SLC9D1: variants seen among roughly 807,000 people sequenced by gnomAD.
The protein encoded by SLC9D1 is solute carrier family 9 member D1.
the SLC9D1 span, chr13:113,534,250 A>G: frequency 6.3e-7 from 1 of 1,597,776 alleles, no homozygotes; most frequent in Non-Finnish European, 8.6e-7. Flanking sequence ...GGTAATTCTC[A>G]AACTATGTGT....
At chr13:113,534,387 C>G in the SLC9D1 span, 2 of 680,214 alleles carry the variant, frequency 2.9e-6, no homozygotes, top group South Asian at 3.9e-5. Flanking sequence ...TACACACTTT[C>G]TTATACTACC....
chr13:113,495,942 C>A, the SLC9D1 span: 2 of 1,613,854 alleles, frequency 1.2e-6, no homozygotes, highest in Non-Finnish European at 1.7e-6. Flanking sequence ...GCAGAGAGCC[C>A]TGCAGGGGGA....
At chr13:113,499,739 A>G in the SLC9D1 span, among the ~76,000 whole-genome samples, 1 of 152,234 alleles carries the variant, frequency 6.6e-6, no homozygotes, top group Non-Finnish European at 1.5e-5. Flanking sequence ...TTTAAGGGCT[A>G]TGAATTTCTT....
At chr13:113,533,896 T>C in the SLC9D1 span, 1 of 660,614 alleles carries the variant, frequency 1.5e-6, no homozygotes, top group Non-Finnish European at 2.6e-6. Context: ...GTATGATTCA[T>C]AGGTGTTTTT....
chr13:113,530,935 G>A, the SLC9D1 span, among the ~76,000 whole-genome samples: 5,428 of 152,260 alleles, frequency 0.036, 275 homozygotes, highest in African/African-American at 0.11. Flanking sequence ...GGCACCACCC[G>A]CCCATCAGAC....
chr13:113,543,145 C>CCT, the SLC9D1 span, among the ~76,000 whole-genome samples: 19 of 86,240 alleles, frequency 2.2e-4, 1 homozygote, highest in East Asian at 1.3e-3. Context: ...ACCTCCTCCC[C>CCT]GTGCCCCCCG....
the SLC9D1 span, among the ~76,000 whole-genome samples, chr13:113,492,398 C>G: frequency 5.3e-5 from 8 of 152,336 alleles, no homozygotes; most frequent in East Asian, 1.5e-3. Context: ...TGCCTTTGCC[C>G]TGTTTTCTCC....
At chr13:113,532,663 G>A in the SLC9D1 span, among the ~76,000 whole-genome samples, 2 of 151,934 alleles carry the variant, frequency 1.3e-5, no homozygotes, top group African/African-American at 4.8e-5. Flanking sequence ...AGTGCGGCAG[G>A]CCTGGTCTGC....
the SLC9D1 span, among the ~76,000 whole-genome samples, chr13:113,496,268 C>G: frequency 6.6e-6 from 1 of 152,188 alleles, no homozygotes; most frequent in Admixed American, 6.5e-5. Context: ...GTAGCTCTTA[C>G]TTCTAGAAGG....
the SLC9D1 span, among the ~76,000 whole-genome samples, chr13:113,541,717 G>A: frequency 5.0e-5 from 1 of 20,178 alleles, no homozygotes; most frequent in Non-Finnish European, 8.7e-5. Flanking sequence ...CTTTATTACC[G>A]CCGAGATGTG....
chr13:113,520,859 C>T, the SLC9D1 span: 3 of 718,782 alleles, frequency 4.2e-6, no homozygotes, highest in African/African-American at 1.8e-5. Flanking sequence ...TGCACAGTCC[C>T]TGGAGCAACA....
At chr13:113,517,558 G>C in the SLC9D1 span, among the ~76,000 whole-genome samples, 1 of 152,216 alleles carries the variant, frequency 6.6e-6, no homozygotes, top group Non-Finnish European at 1.5e-5. Flanking sequence ...TCCACCAAGA[G>C]ATGAATGGAT....
the SLC9D1 span, among the ~76,000 whole-genome samples, chr13:113,506,835 A>G: frequency 6.6e-6 from 1 of 152,180 alleles, no homozygotes; most frequent in African/African-American, 2.4e-5. Flanking sequence ...GGTGGAGGTA[A>G]TTGTGAGCAG....
chr13:113,549,779 T>C, the SLC9D1 span: 1 of 693,316 alleles, frequency 1.4e-6, no homozygotes, highest in Non-Finnish European at 2.6e-6. Context: ...CACTGCGTTT[T>C]ACCGATCACC....
the SLC9D1 span, among the ~76,000 whole-genome samples, chr13:113,526,593 C>A: frequency 2.6e-5 from 4 of 152,120 alleles, no homozygotes; most frequent in East Asian, 7.7e-4. Context: ...GTGGCGCACA[C>A]CCATAGTCCC....
the SLC9D1 span, chr13:113,499,937 A>G: frequency 4.4e-6 from 6 of 1,375,956 alleles, no homozygotes; most frequent in Non-Finnish European, 5.7e-6. Context: ...TTTTAATTGC[A>G]TAATATTATT....
At chr13:113,494,018 C>T in the SLC9D1 span, among the ~76,000 whole-genome samples, 1 of 152,148 alleles carries the variant, frequency 6.6e-6, no homozygotes, top group Non-Finnish European at 1.5e-5. Flanking sequence ...CTGGGAAACT[C>T]GATTAAACCA....
At chr13:113,530,649 T>A in the SLC9D1 span, 1 of 152,234 alleles carries the variant, frequency 6.6e-6, no homozygotes, top group Non-Finnish European at 1.5e-5. Flanking sequence ...TATTAAGCTT[T>A]ATTCAGAATT....
the SLC9D1 span, among the ~76,000 whole-genome samples, chr13:113,497,147 GTC>G: frequency 6.6e-6 from 1 of 151,708 alleles, no homozygotes; most frequent in South Asian, 2.1e-4. Flanking sequence ...GCAGTTGTGT[GTC>G]AGTCAAACCT....
Sources: gnomAD v4.1 joint callset for allele counts (sites outside exome capture counted in the v4.1 genomes callset) on GRCh38, gnomAD v4.1.1 for gene constraint, MANE v1.5 for transcripts, NCBI Gene and HGNC (gene_info 2026-07-23, HGNC 2026-07-21) for gene names.